Variants in SPHK2 observed in about 807,000 individuals in gnomAD.
SPHK2 encodes sphingosine kinase 2.
A neutral mutation model predicts 32.3 loss-of-function variants in SPHK2; 18 were observed. The ratio of observed to expected loss-of-function variants is 0.56; its 90% CI spans 0.39 to 0.83. The LOEUF is 0.83. SPHK2 is among the 40% of genes least tolerant of loss of function. SPHK2 has a pLI of 0.00. For missense variants in SPHK2, 850 were observed against 908.7 expected (o/e 0.94, Z 0.83); for synonymous variants, 462 against 417.6 (o/e 1.11, Z -1.30).
At position 48,628,537 on chromosome 19, in the gene SPHK2, G is replaced by T; in HGVS notation, c.873-144G>T. On this transcript the variant is annotated intron_variant, in intron 6 of 6. Coordinates refer to ENST00000245222, the MANE Select transcript of SPHK2 (RefSeq NM_020126.5). This position sits in a 1 kb window ranked among gnomAD's most constrained non-coding sequence, Gnocchi z 5.2. ...GACCAGGAACCTGGCCCCGTAAGGA[G>T]TCGCCTGGAGGTGGCCCCACGGCTG... 9.4e-7 allele frequency: 1 copy of T among 1,067,034 alleles called. No individual in the cohort carries two copies. The highest frequency in any genetic ancestry group is 2.4e-5 in the East Asian group (1 of 42,178). 66.1% of individuals were successfully genotyped at this position (1,067,034 alleles called of 1,614,324 possible). A position where few individuals can be genotyped will look rare whatever the true frequency, so the allele number is the denominator to read the frequency against.
rs1221873731 is a variant in SPHK2 at position 48,626,276 on chromosome 19, C to T, written c.425C>T (p.Thr142Ile). 3.8e-6 allele frequency: 6 copies of T among 1,594,660 alleles called. No individual in the cohort carries two copies. Among genetic ancestry groups the T allele is most frequent in the Admixed American group, 1.7e-5 (1 of 59,232 alleles). ...TRTFRADGAATYEENRAEAQR... is the reference protein window; with the variant it reads ...TRTFRADGAAIYEENRAEAQR... Reference sequence around the variant, plus strand: ...ACCTTCCGGGCAGATGGGGCCGCCACCTACGAAGAGAACCGTGCCGAGGCC... The same window carrying T: ...ACCTTCCGGGCAGATGGGGCCGCCATCTACGAAGAGAACCGTGCCGAGGCC... The change falls in exon 3 of 7, where the codon ACC (threonine) becomes ATC (isoleucine). Residue 142 changes from threonine (T) to isoleucine (I), a missense_variant. Thr to Ile is a moderately conservative substitution (Grantham distance 89). Around this residue, in one of 2 missense-constraint regions of SPHK2, gnomAD observed 544 missense variants for 640.0 expected, o/e 0.85. Coordinates refer to ENST00000245222, the MANE Select transcript of SPHK2 (RefSeq NM_020126.5).
At chr19:48,620,920 C>CA (rs761243344) in intron 2 of SPHK2, 6,786 of 121,536 alleles carry the variant, frequency 0.056, 335 homozygotes, top group African/African-American at 0.14. Flanking sequence ...GACTCCGTCT[C>CA]AAAAAAAAAA....
chr19:48,628,893 C>A lies in SPHK2; in HGVS notation c.1085C>A (p.Thr362Lys), dbSNP rs747391951. 1 of 1,613,454 alleles carries A rather than the reference C, an allele frequency of 6.2e-7. No individual in the cohort carries two copies. Among genetic ancestry groups the A allele is most frequent in the Non-Finnish European group, 8.5e-7 (1 of 1,180,022 alleles). ...GGCAGTGCCCGCTTCACACTGGGCACGGTGCTGGGCCTCGCCACACTGCAC... is the reference window on the plus strand; with the variant it reads ...GGCAGTGCCCGCTTCACACTGGGCAAGGTGCTGGGCCTCGCCACACTGCAC... ...ALGSARFTLG[T>K]VLGLATLHTY... Residue 362 changes from threonine (T) to lysine (K), a missense_variant, in exon 7 of 7, where the codon ACG becomes AAG. By Grantham distance (78) the Thr-to-Lys change is moderately conservative. Coordinates refer to ENST00000245222, the MANE Select transcript of SPHK2 (RefSeq NM_020126.5). This position sits in a 1 kb window ranked among gnomAD's most constrained non-coding sequence, Gnocchi z 5.2.
intron 1 of SPHK2, 145 bp from the exon 2 acceptor site, chr19:48,620,257 T>A: frequency 2.0e-6 from 1 of 488,890 alleles, no homozygotes; most frequent in Non-Finnish European, 3.6e-6. Flanking sequence ...ATGGACTGGC[T>A]GGGGCAGTGA....
chr19:48,620,461 G>T lies in SPHK2; in HGVS notation c.-54G>T. 2 of 1,569,022 alleles carry T rather than the reference G, an allele frequency of 1.3e-6. No homozygotes were observed. The highest frequency in any genetic ancestry group is 2.3e-5 in the South Asian group (2 of 88,458). Reference sequence around the variant, plus strand: ...TCCTTGCTCCTACCAGCCTACTATGGCTTAAGACCCAGGGCCAGGGTCCCG... The same window carrying T: ...TCCTTGCTCCTACCAGCCTACTATGTCTTAAGACCCAGGGCCAGGGTCCCG... On this transcript the variant is annotated 5_prime_UTR_variant, in exon 2 of 7. Transcript: ENST00000245222.
chr19:48,622,757 C>CTTTTTTTTTTTT (rs779108312), intron 2 of SPHK2, among the ~76,000 whole-genome samples: 2 of 108,546 alleles, frequency 1.8e-5, no homozygotes. Flanking sequence ...ATTTGTCTCT[C>CTTTTTTTTTTTT]TTTTTTTTTT....
rs543489842 is a variant in SPHK2, at chr19:48,629,758, G to A, written c.1950G>A (p.Pro650=). 20 of 1,576,250 alleles carry A rather than the reference G, an allele frequency of 1.3e-5. No homozygotes were observed. In the East Asian group the frequency reaches 3.8e-4, roughly 30 times the overall value. The change falls in exon 7 of 7, where the codon CCG becomes CCA. Residue 650 remains proline (P), a synonymous_variant. Transcript: ENST00000245222. Reference sequence around the variant, plus strand: ...TGCTCACTGGGCCTCCTGGCTGCCCGGGGCGGGAGCCCTGAAACTAAACAA... The same window carrying A: ...TGCTCACTGGGCCTCCTGGCTGCCCAGGGCGGGAGCCCTGAAACTAAACAA... The part of the protein sequence containing the change: ...GTLLTGPPGC[P]GREP
chr19:48,622,932 T>C (rs1405705968), intron 2 of SPHK2, among the ~76,000 whole-genome samples: 3 of 150,860 alleles, frequency 2.0e-5, no homozygotes, highest in Non-Finnish European at 4.4e-5. Flanking sequence ...ACCTGGCTAA[T>C]TTTTGTATTT....
At position 48,628,526 on chromosome 19, in the gene SPHK2, C is replaced by T. The variant is rs1438415790; in HGVS notation, c.873-155C>T. 1.0e-6 allele frequency: 1 copy of T among 991,286 alleles called. No individual in the cohort carries two copies. The highest frequency in any genetic ancestry group is 1.6e-6 in the Non-Finnish European group (1 of 627,728). The allele number at this position is 991,286 out of a possible 1,614,324, so 61.4% of individuals were successfully genotyped here. A position where few individuals can be genotyped will look rare whatever the true frequency, so the allele number is the denominator to read the frequency against. ...AAATGAAAGATGACCAGGAACCTGG[C>T]CCCGTAAGGAGTCGCCTGGAGGTGG... On this transcript the variant is annotated intron_variant, in intron 6 of 6. Transcript: ENST00000245222. This position sits in a 1 kb window ranked among gnomAD's most constrained non-coding sequence, Gnocchi z 5.2.
rs913373701 is a variant in SPHK2 at position 48,622,450 on chromosome 19, C to T, written c.39+1897C>T. Among the ~76,000 whole-genome samples, 6 of 152,224 alleles carry T rather than the reference C, an allele frequency of 3.9e-5. No homozygotes were observed. In the East Asian group the frequency reaches 5.8e-4, roughly 15 times the overall value. On this transcript the variant is annotated intron_variant, in intron 2 of 6. Coordinates refer to ENST00000245222, the MANE Select transcript of SPHK2 (RefSeq NM_020126.5). ...TGAGGCCAAGAATTCAGGGGCTTCC[C>T]AGCAGTCACACAGCAAGTGTGTGTG...
chr19:48,630,234 G>C lies in SPHK2; in HGVS notation c.*461G>C, dbSNP rs978205165. ...CCATTTAGCTGGCCAATCAGCCCAG[G>C]AGGGGCAGGTTCCCCGGGGCCGGCG... On this transcript the variant is annotated 3_prime_UTR_variant, in exon 7 of 7. Transcript: ENST00000245222. This position sits in a 1 kb window ranked among gnomAD's most constrained non-coding sequence, Gnocchi z 4.9. The C allele has an allele frequency of 2.3e-6, 3 of 1,279,360 alleles. No homozygotes were observed. Among genetic ancestry groups the C allele is most frequent in the African/African-American group, 1.5e-5 (1 of 64,894 alleles). 79.3% of individuals were successfully genotyped at this position (1,279,360 alleles called of 1,614,324 possible).
intron 2 of SPHK2, among the ~76,000 whole-genome samples, chr19:48,621,076 TTTTATTTA>T (rs1356032255): frequency 1.3e-5 from 2 of 151,990 alleles, no homozygotes; most frequent in African/African-American, 4.8e-5. Context: ...ATTTTTTTAT[TTTTATTTA>T]TTTATTTATT....
intron 3 of SPHK2, chr19:48,626,786 C>A (rs2147688920): frequency 7.9e-6 from 1 of 127,380 alleles, no homozygotes; most frequent in East Asian, 2.3e-4. Context: ...TGCACTCCAG[C>A]TTGGGCAACA....
Position 48,630,260 on chromosome 19 carries a change from C to CG in SPHK2, c.*487_*488insG. 7.8e-7 allele frequency: 1 copy of CG among 1,283,934 alleles called. No homozygotes were observed. Among genetic ancestry groups the CG allele is most frequent in the Non-Finnish European group, 9.8e-7 (1 of 1,016,214 alleles). The allele number at this position is 1,283,934 out of a possible 1,614,324, so 79.5% of individuals were successfully genotyped here. On this transcript the variant is annotated 3_prime_UTR_variant, in exon 7 of 7. Coordinates refer to ENST00000245222, the MANE Select transcript of SPHK2 (RefSeq NM_020126.5). This position sits in a 1 kb window ranked among gnomAD's most constrained non-coding sequence, Gnocchi z 4.9. ...AGGGGCAGGTTCCCCGGGGCCGGCG[C>CG]TAGGATTTGCACTAATGTTCCTCTC... is the stretch of plus-strand genomic sequence containing the variant.
At position 48,629,619 on chromosome 19, in the gene SPHK2, C is replaced by T. The variant is rs1318442524; in HGVS notation, c.1811C>T (p.Ala604Val). 2 of 1,598,764 alleles carry T rather than the reference C, an allele frequency of 1.3e-6. No individual in the cohort carries two copies. The highest frequency in any genetic ancestry group is 8.5e-7 in the Non-Finnish European group (1 of 1,173,320). ...GGCTGTCCGCAGCTGGGCTACGCCG[C>T]GGCCCGTGCCTTCCGCCTAGAGCCG... is the stretch of plus-strand genomic sequence containing the variant. Reference protein sequence around the residue: ...SLGCPQLGYAAARAFRLEPLT... With the variant: ...SLGCPQLGYAVARAFRLEPLT... The change falls in exon 7 of 7, where the codon GCG becomes GTG. Residue 604 changes from alanine to valine, a missense_variant. Physicochemically the swap from Ala to Val is moderately conservative, Grantham distance 64 (BLOSUM62 0). Around this residue, in one of 2 missense-constraint regions of SPHK2, gnomAD observed 306 missense variants for 268.6 expected, o/e 1.14. Coordinates refer to ENST00000245222, the MANE Select transcript of SPHK2 (RefSeq NM_020126.5).
rs1434591593 is a variant in SPHK2 at position 48,620,388 on chromosome 19, C to T, written c.-113-14C>T. 4.3e-6 allele frequency: 3 copies of T among 698,594 alleles called. No homozygotes were observed. Among genetic ancestry groups the T allele is most frequent in the Non-Finnish European group, 7.0e-6 (3 of 427,684 alleles). 43.3% of individuals were successfully genotyped at this position (698,594 alleles called of 1,614,324 possible). A position where few individuals can be genotyped will look rare whatever the true frequency, so the allele number is the denominator to read the frequency against. On this transcript the variant is annotated splice_polypyrimidine_tract_variant and intron_variant, in intron 1 of 6. Transcript: ENST00000245222. ...GGCTGTCAATGCTGCTCCTCACTTA[C>T]CTCTCCTCCACAGAGCTGAAGGTCA...
rs780229715 is a variant in SPHK2, at chr19:48,629,699, C to G, written c.1891C>G (p.Leu631Val). The G allele has an allele frequency of 6.2e-7, 1 of 1,610,160 alleles. No individual in the cohort carries two copies. Among genetic ancestry groups the G allele is most frequent in the Admixed American group, 1.7e-5 (1 of 59,668 alleles). Reference protein sequence around the residue: ...VDGEQVEYGPLQAQMHPGIGT... With the variant: ...VDGEQVEYGPVQAQMHPGIGT... Reference sequence around the variant, plus strand: ...CGGGGAGCAGGTGGAGTATGGGCCGCTACAGGCACAGATGCACCCTGGCAT... The same window carrying G: ...CGGGGAGCAGGTGGAGTATGGGCCGGTACAGGCACAGATGCACCCTGGCAT... Residue 631 changes from leucine to valine, a missense_variant, in exon 7 of 7, where the codon CTA becomes GTA. Coordinates refer to ENST00000245222, the MANE Select transcript of SPHK2 (RefSeq NM_020126.5).
intron 4 of SPHK2, 64 bp downstream of exon 4, chr19:48,627,905 T>C: frequency 6.4e-7 from 1 of 1,572,080 alleles, no homozygotes; most frequent in Non-Finnish European, 8.7e-7. Context: ...AGCAAAGTGG[T>C]GGGTGGGACT....
chr19:48,620,384 C>T lies in SPHK2; in HGVS notation c.-113-18C>T. 1 of 678,548 alleles carries T rather than the reference C, an allele frequency of 1.5e-6. No homozygotes were observed. The highest frequency in any genetic ancestry group is 2.4e-6 in the Non-Finnish European group (1 of 412,574). The allele number at this position is 678,548 out of a possible 1,614,324, so 42.0% of individuals were successfully genotyped here. On this transcript the variant is annotated intron_variant, in intron 1 of 6. Coordinates refer to ENST00000245222, the MANE Select transcript of SPHK2 (RefSeq NM_020126.5). ...AGTTGGCTGTCAATGCTGCTCCTCA[C>T]TTACCTCTCCTCCACAGAGCTGAAG...
Sources: gnomAD v4.1 joint callset for allele counts (sites outside exome capture counted in the v4.1 genomes callset) on GRCh38, gnomAD v4.1.1 for gene constraint, gnomAD v4.1.1 regional missense constraint, Gnocchi (gnomAD v3.1) non-coding constraint, MANE v1.5 for transcripts, NCBI Gene and HGNC (gene_info 2026-07-23, HGNC 2026-07-21) for gene names.